Variants in ZBBX observed in about 807,000 individuals in gnomAD.
The protein encoded by ZBBX is zinc finger B-box domain-containing protein 1.
In ZBBX, 101 loss-of-function variants were observed where a neutral mutation model predicts 108.5. The ratio of observed to expected loss-of-function variants is 0.93; its 90% CI spans 0.79 to 1.10. ZBBX has a LOEUF of 1.10. ZBBX is among the 50% of genes least tolerant of loss of function. The pLI is 0.00. For synonymous variants in ZBBX, 356 were observed against 323.4 expected (o/e 1.10, Z -1.08); for missense variants, 1,009 against 941.4 (o/e 1.07, Z -0.94).
chr3:167,338,257 T>G (rs573059770), intron 9 of ZBBX, among the ~76,000 whole-genome samples: 1 of 152,312 alleles, frequency 6.6e-6, no homozygotes, highest in African/African-American at 2.4e-5. Context: ...ATATTATCTT[T>G]CAAATTACAC....
At chr3:167,291,686 A>G (rs1576908778) in intron 18 of ZBBX, among the ~76,000 whole-genome samples, 1 of 152,220 alleles carries the variant, frequency 6.6e-6, no homozygotes, top group Non-Finnish European at 1.5e-5. Context: ...TAATGGCAGG[A>G]TCACATTCAC....
At chr3:167,305,980 CATAA>C in intron 16 of ZBBX, 30 bp from the exon 17 acceptor site, 1 of 1,430,404 alleles carries the variant, frequency 7.0e-7, no homozygotes, top group East Asian at 2.4e-5. Context: ...ACAAAAGGTA[CATAA>C]ATAAATTTAA....
rs1337225369 is a variant in ZBBX, at chr3:167,298,302, T to A, written c.1879+3A>T. ...GTTTTAGAAAAATGAGCTAGAAATT[T>A]ACCTGCAAGTGTAATCCTAGTACTG... On this transcript the variant is annotated splice_donor_region_variant and intron_variant, in intron 18 of 21. Coordinates refer to ENST00000675490, the MANE Select transcript of ZBBX (RefSeq NM_001199201.2). 4 of 1,585,574 alleles carry A rather than the reference T, an allele frequency of 2.5e-6. No homozygotes were observed. The highest frequency in any genetic ancestry group is 2.7e-5 in the African/African-American group (2 of 73,592).
the ZBBX span, among the ~76,000 whole-genome samples, chr3:167,199,629 G>T: frequency 6.6e-6 from 1 of 152,080 alleles, no homozygotes; most frequent in Non-Finnish European, 1.5e-5. Context: ...TTTGTTTAAT[G>T]TAGGATTCTC....
At chr3:167,304,256 G>A (rs1733217505) in intron 17 of ZBBX, among the ~76,000 whole-genome samples, 1 of 152,154 alleles carries the variant, frequency 6.6e-6, no homozygotes, top group Non-Finnish European at 1.5e-5. Context: ...GGTCTGGCAG[G>A]CTTACTGCCC....
chr3:167,316,517 T>A (rs1735485582), intron 14 of ZBBX, among the ~76,000 whole-genome samples: 1 of 152,050 alleles, frequency 6.6e-6, no homozygotes, highest in Non-Finnish European at 1.5e-5. Flanking sequence ...ATTGGTGTCT[T>A]CTACATATGT....
intron 21 of ZBBX, among the ~76,000 whole-genome samples, chr3:167,241,613 G>T (rs1005617223): frequency 6.6e-6 from 1 of 152,158 alleles, no homozygotes; most frequent in African/African-American, 2.4e-5. Context: ...CAGGCTGAGT[G>T]CAGTGGCCTG....
At chr3:167,217,201 G>C in the ZBBX span, among the ~76,000 whole-genome samples, 1 of 152,124 alleles carries the variant, frequency 6.6e-6, no homozygotes, top group Non-Finnish European at 1.5e-5. Context: ...TGGAATAGGA[G>C]AAAATTTCTG....
chr3:167,219,453 A>T, the ZBBX span, among the ~76,000 whole-genome samples: 1 of 152,088 alleles, frequency 6.6e-6, no homozygotes, highest in African/African-American at 2.4e-5. Flanking sequence ...ATGGAATAAA[A>T]CTATAAATCA....
chr3:167,321,812 G>GT (rs1245599765), intron 12 of ZBBX, among the ~76,000 whole-genome samples: 1 of 151,942 alleles, frequency 6.6e-6, no homozygotes, highest in Non-Finnish European at 1.5e-5. Flanking sequence ...TCTTCTCAAA[G>GT]TAATATTTCA....
rs1005095019 is a variant in ZBBX, at chr3:167,389,037, T to G, written c.-445-8632A>C. Among the ~76,000 whole-genome samples the G allele has an allele frequency of 5.9e-5, 9 of 152,206 alleles. No homozygotes were observed. In the East Asian group the frequency reaches 1.7e-3, roughly 30 times the overall value. ...CAGGTTTGTTACATAGGTATACATG[T>G]ACCATGGTAGTTTGCTGCACCTTTC... On this transcript the variant is annotated intron_variant, in intron 1 of 21. Coordinates refer to the ZBBX transcript ENST00000455345.
chr3:167,233,036 A>T, the ZBBX span, among the ~76,000 whole-genome samples: 1 of 151,490 alleles, frequency 6.6e-6, no homozygotes, highest in Non-Finnish European at 1.5e-5. Context: ...AAGGCTTAGC[A>T]CTCTGCCCTA....
At chr3:167,404,833 G>C (rs896647092) in intron 1 of ZBBX, among the ~76,000 whole-genome samples, 1 of 152,120 alleles carries the variant, frequency 6.6e-6, no homozygotes, top group Non-Finnish European at 1.5e-5. Context: ...AGAATGGAGA[G>C]ACAGAGAAAA....
the ZBBX span, among the ~76,000 whole-genome samples, chr3:167,230,248 T>C: frequency 1.3e-5 from 2 of 151,978 alleles, no homozygotes; most frequent in East Asian, 3.9e-4. Flanking sequence ...AAACCTTGTC[T>C]AGCAGCTGCC....
intron 20 of ZBBX, among the ~76,000 whole-genome samples, chr3:167,272,329 C>T (rs116598269): frequency 0.012 from 1,897 of 152,292 alleles, 20 homozygotes; most frequent in Non-Finnish European, 0.019. Flanking sequence ...AGCCAAAGGT[C>T]TCATGGTACA....
chr3:167,366,829 C>A (rs1385382554), intron 5 of ZBBX: 2 of 455,820 alleles, frequency 4.4e-6, no homozygotes, highest in South Asian at 1.6e-5. Context: ...TATCATGATC[C>A]ATTTAGAAGT....
chr3:167,197,267 G>A, the ZBBX span, among the ~76,000 whole-genome samples: 3 of 152,002 alleles, frequency 2.0e-5, no homozygotes, highest in African/African-American at 4.8e-5. Flanking sequence ...GGCTGGGCAC[G>A]GTGGCTCACG....
chr3:167,343,778 A>G (rs140432112), intron 9 of ZBBX, among the ~76,000 whole-genome samples: 159 of 152,058 alleles, frequency 1.0e-3, no homozygotes, highest in East Asian at 9.3e-3. Context: ...TTGGAATGCA[A>G]TATACTGCAG....
intron 1 of ZBBX, chr3:167,401,482 G>A (rs563493696): frequency 2.6e-5 from 4 of 152,234 alleles, no homozygotes; most frequent in Non-Finnish European, 4.4e-5. Context: ...ACAGCAGCCC[G>A]GAAGGCTGCT....
Sources: gnomAD v4.1 joint callset for allele counts (sites outside exome capture counted in the v4.1 genomes callset) on GRCh38, gnomAD v4.1.1 for gene constraint, MANE v1.5 for transcripts, NCBI Gene and HGNC (gene_info 2026-07-23, HGNC 2026-07-21) for gene names.